Variants in MROH9 observed in about 807,000 individuals in gnomAD.
The protein encoded by MROH9 is maestro heat-like repeat-containing protein family member 9.
A neutral mutation model predicts 98.2 loss-of-function variants in MROH9; 92 were observed. The ratio of observed to expected loss-of-function variants is 0.94; its 90% CI spans 0.79 to 1.11. The LOEUF (loss-of-function observed/expected upper bound fraction) is 1.11, where lower values mean the gene tolerates loss of function less well. Ranked by LOEUF, MROH9 falls within the 50% of genes most tolerant of loss-of-function variation. The pLI, the probability that MROH9 is intolerant of heterozygous loss-of-function variation, is 0.00. For synonymous variants in MROH9, 397 were observed against 368.9 expected (o/e 1.08, Z -0.87); for missense variants, 1,057 against 1,014.8 (o/e 1.04, Z -0.57).
intron 20 of MROH9, among the ~76,000 whole-genome samples, chr1:171,031,628 G>A (rs923389664): frequency 2.0e-5 from 3 of 152,116 alleles, no homozygotes; most frequent in African/African-American, 7.2e-5. Context: ...GGCTTGTAGG[G>A]TTTCTGTTGA....
intron 1 of MROH9, among the ~76,000 whole-genome samples, chr1:170,944,295 C>G (rs1043796823): frequency 6.6e-6 from 1 of 151,766 alleles, no homozygotes; most frequent in African/African-American, 2.4e-5. Flanking sequence ...GGAATATAAA[C>G]CTTTCGTATT....
chr1:171,042,004 C>G (rs373575933), intron 20 of MROH9, among the ~76,000 whole-genome samples: 5 of 152,062 alleles, frequency 3.3e-5, no homozygotes, highest in East Asian at 3.9e-4. Context: ...AATCCAATCA[C>G]ACTATTTTAA....
intron 21 of MROH9, among the ~76,000 whole-genome samples, chr1:171,063,128 ATC>A (rs1654061268): frequency 6.6e-6 from 1 of 151,498 alleles, no homozygotes; most frequent in Non-Finnish European, 1.5e-5. Flanking sequence ...TGCTCTTCTC[ATC>A]TCTGTTTTCT....
intron 20 of MROH9, among the ~76,000 whole-genome samples, chr1:171,036,834 A>G (rs1353929170): frequency 1.3e-5 from 2 of 151,714 alleles, no homozygotes; most frequent in Non-Finnish European, 2.9e-5. Flanking sequence ...AAAAAACGAA[A>G]CCCAAAGAAT....
chr1:171,062,292 C>A (rs1654039698), intron 21 of MROH9, 98 bp downstream of exon 21: 3 of 803,050 alleles, frequency 3.7e-6, no homozygotes, highest in African/African-American at 1.7e-5. Context: ...GAGTGCCAGG[C>A]CAGACAGGAA....
chr1:170,980,406 G>T (rs1266978194), intron 8 of MROH9, among the ~76,000 whole-genome samples: 3 of 151,944 alleles, frequency 2.0e-5, no homozygotes, highest in African/African-American at 7.3e-5. Context: ...ATGGAACATT[G>T]GTGCTGGTAC....
intron 11 of MROH9, among the ~76,000 whole-genome samples, chr1:170,990,620 T>C (rs1651321629): frequency 6.6e-6 from 1 of 152,132 alleles, no homozygotes; most frequent in Non-Finnish European, 1.5e-5. Context: ...GGCATAAACA[T>C]TGGAAATCAA....
At chr1:170,986,455 T>C in intron 9 of MROH9, 106 bp from the exon 10 acceptor site, 2 of 1,164,636 alleles carry the variant, frequency 1.7e-6, no homozygotes, top group East Asian at 2.4e-5. Flanking sequence ...CACGGAAGAC[T>C]TGTGGCCCTG....
intron 20 of MROH9, among the ~76,000 whole-genome samples, chr1:171,058,813 C>G (rs951307487): frequency 3.9e-5 from 6 of 152,128 alleles, no homozygotes; most frequent in Non-Finnish European, 8.8e-5. Flanking sequence ...TGAAACTGGA[C>G]CCTTTCCTTA....
chr1:170,989,186 A>G (rs1312615185), intron 10 of MROH9, among the ~76,000 whole-genome samples: 1 of 152,218 alleles, frequency 6.6e-6, no homozygotes, highest in African/African-American at 2.4e-5. Context: ...GAAAAATTTA[A>G]GAAGAAAAAA....
Position 171,025,669 on chromosome 1 carries a change from A to G in MROH9, c.2281+249A>G, listed in dbSNP as rs985370529. ...CAAAATGGATTTCAAAACTTAAGAC[A>G]GTGACATACCATTGTTCATTTTTCC... On this transcript the variant is annotated intron_variant, in intron 20 of 21. Coordinates refer to ENST00000367759, the MANE Select transcript of MROH9 (RefSeq NM_001163629.2). Among the ~76,000 whole-genome samples the G allele has an allele frequency of 2.6e-5, 4 of 152,342 alleles. No homozygotes were observed. The South Asian group carries it at 8.3e-4, about 32-fold the overall frequency.
At chr1:170,985,127 C>T (rs1375959521) in intron 9 of MROH9, among the ~76,000 whole-genome samples, 1 of 152,040 alleles carries the variant, frequency 6.6e-6, no homozygotes, top group African/African-American at 2.4e-5. Context: ...ACAAAAGTGT[C>T]ATTAACTAAA....
At chr1:170,998,611 T>C in intron 15 of MROH9, 1 of 1,281,238 alleles carries the variant, frequency 7.8e-7, no homozygotes, top group Non-Finnish European at 9.9e-7. Context: ...AAGATGGTAG[T>C]TAACATCTGG....
chr1:170,982,590 C>A (rs1650977915), intron 8 of MROH9, among the ~76,000 whole-genome samples: 1 of 152,036 alleles, frequency 6.6e-6, no homozygotes, highest in Admixed American at 6.6e-5. Context: ...AAGTTGTTCA[C>A]CTTAGATATG....
chr1:171,033,296 C>A (rs957850829), intron 20 of MROH9, among the ~76,000 whole-genome samples: 1 of 152,256 alleles, frequency 6.6e-6, no homozygotes, highest in African/African-American at 2.4e-5. Context: ...GCTGGTCGCC[C>A]TTCACCCCAG....
intron 17 of MROH9, among the ~76,000 whole-genome samples, chr1:171,018,607 C>T (rs1336280040): frequency 4.6e-5 from 7 of 152,186 alleles, no homozygotes; most frequent in Admixed American, 4.6e-4. Flanking sequence ...ACAAACTCCT[C>T]TGAGCTAAAG....
intron 20 of MROH9, among the ~76,000 whole-genome samples, chr1:171,055,456 A>G (rs1653804618): frequency 6.6e-6 from 1 of 151,912 alleles, no homozygotes; most frequent in Non-Finnish European, 1.5e-5. Context: ...CCCCGTCTCT[A>G]CTAAAAATAC....
intron 6 of MROH9, among the ~76,000 whole-genome samples, chr1:170,964,389 C>A (rs1650147400): frequency 2.6e-5 from 4 of 152,046 alleles, no homozygotes; most frequent in Admixed American, 2.0e-4. Flanking sequence ...GAAACTCTTT[C>A]ACCTTAGGAA....
At chr1:170,983,055 AC>A (rs1332461861) in intron 8 of MROH9, among the ~76,000 whole-genome samples, 2 of 152,160 alleles carry the variant, frequency 1.3e-5, no homozygotes, top group African/African-American at 2.4e-5. Flanking sequence ...TCCCTGGTCT[AC>A]CACTCCTCAG....
Sources: allele counts gnomAD v4.1 joint callset (sites outside exome capture counted in the v4.1 genomes callset), GRCh38; gene constraint gnomAD v4.1.1; transcripts MANE v1.5; gene names NCBI Gene and HGNC (gene_info 2026-07-23, HGNC 2026-07-21).